Variants in DAB1 observed in about 807,000 individuals in gnomAD.
DAB1 encodes disabled homolog 1.
In DAB1, 15 loss-of-function variants were observed where a neutral mutation model predicts 64.6. The observed-to-expected ratio is 0.23, with a 90% confidence interval of 0.16 to 0.36. The LOEUF is 0.36. Ranked by LOEUF, DAB1 falls within the 10% of genes least tolerant of loss-of-function variation. The pLI is 1.00. For synonymous variants in DAB1, 235 were observed against 251.9 expected (o/e 0.93, Z 0.64); for missense variants, 596 against 706.7 (o/e 0.84, Z 1.78).
chr1:57,372,348 CAAG>C (rs1257778465), intron 1 of DAB1, among the ~76,000 whole-genome samples: 2 of 152,170 alleles, frequency 1.3e-5, no homozygotes, highest in Non-Finnish European at 2.9e-5. Context: ...CTTCCAGTTA[CAAG>C]AAGAACTTAT....
chr1:57,649,423 C>A (rs944895639), intron 7 of DAB1, among the ~76,000 whole-genome samples: 2 of 152,092 alleles, frequency 1.3e-5, no homozygotes, highest in African/African-American at 4.8e-5. Flanking sequence ...GAAAAGCAAC[C>A]CGAAGCACCA....
intron 9 of DAB1, among the ~76,000 whole-genome samples, chr1:57,044,008 T>C (rs1330861301): frequency 6.6e-6 from 1 of 152,152 alleles, no homozygotes; most frequent in Non-Finnish European, 1.5e-5. Flanking sequence ...TCATGGTGAG[T>C]CACTGGCTCA....
chr1:57,461,046 TC>T (rs747693347), intron 7 of DAB1, among the ~76,000 whole-genome samples: 11 of 152,182 alleles, frequency 7.2e-5, no homozygotes, highest in Non-Finnish European at 1.3e-4. Context: ...ATGCTCTCCT[TC>T]CTTCCCCTGC....
At chr1:57,848,740 C>G in intron 1 of DAB1, among the ~76,000 whole-genome samples, 1 of 152,148 alleles carries the variant, frequency 6.6e-6, no homozygotes, top group East Asian at 1.9e-4. Context: ...CTGAACTGCC[C>G]CAAATCCAGG....
At chr1:58,543,250 A>G (rs189546372) in intron 1 of DAB1, among the ~76,000 whole-genome samples, 10 of 152,320 alleles carry the variant, frequency 6.6e-5, no homozygotes, top group Admixed American at 5.9e-4. Context: ...ACAGTTATAC[A>G]TTTGTTTTTG....
At chr1:57,508,953 T>C (rs914203421) in intron 7 of DAB1, among the ~76,000 whole-genome samples, 3 of 151,372 alleles carry the variant, frequency 2.0e-5, no homozygotes, top group Non-Finnish European at 3.0e-5. Flanking sequence ...ATATATGATG[T>C]ACATATATAA....
At chr1:57,172,111 AGTTCTCATGAT>A (rs1320349180) in intron 2 of DAB1, among the ~76,000 whole-genome samples, 1 of 152,160 alleles carries the variant, frequency 6.6e-6, no homozygotes, top group Non-Finnish European at 1.5e-5. Context: ...CTTCACATGA[AGTTCTCATGAT>A]GTTCTCCCTG....
intron 4 of DAB1, among the ~76,000 whole-genome samples, chr1:58,268,655 G>A (rs979478329): frequency 3.3e-5 from 5 of 152,142 alleles, no homozygotes; most frequent in African/African-American, 7.2e-5. Context: ...CATGTTCATA[G>A]ACTGGAAGAC....
In DAB1 at chr1:57,356,964, C is replaced by T. The variant is rs184600651; in HGVS notation, c.-136-65798G>A. 2.8e-3 allele frequency among the ~76,000 whole-genome samples: 433 copies of T among 152,056 alleles called. 2 individuals carry two copies. Among genetic ancestry groups the T allele is most frequent in the Non-Finnish European group, 5.0e-3 (343 of 67,940 alleles). ...GGCTTTAAGAGACTTACTTTAATCC[C>T]TTTGTGCTTCAACTATACATTGGAA... On this transcript the variant is annotated intron_variant, in intron 1 of 14. Coordinates refer to ENST00000371236, the MANE Select transcript of DAB1 (RefSeq NM_001365792.1).
intron 7 of DAB1, among the ~76,000 whole-genome samples, chr1:57,491,852 A>G (rs529802519): frequency 8.5e-5 from 13 of 152,280 alleles, no homozygotes; most frequent in Admixed American, 8.5e-4. Flanking sequence ...ATCGAGGAAG[A>G]CTTTCTAGAT....
intron 5 of DAB1, among the ~76,000 whole-genome samples, chr1:58,021,841 A>G (rs1167932262): frequency 1.3e-5 from 2 of 152,222 alleles, no homozygotes; most frequent in Non-Finnish European, 2.9e-5. Context: ...CCCAAGTGAT[A>G]GGAAGCATCC....
chr1:57,637,507 G>T (rs1353191452), intron 7 of DAB1, among the ~76,000 whole-genome samples: 2 of 152,164 alleles, frequency 1.3e-5, no homozygotes, highest in Non-Finnish European at 2.9e-5. Context: ...TCATCATGCA[G>T]TCTGAGCACC....
At chr1:58,524,898 C>T (rs578127463) in intron 2 of DAB1, among the ~76,000 whole-genome samples, 1 of 152,268 alleles carries the variant, frequency 6.6e-6, no homozygotes, top group South Asian at 2.1e-4. Flanking sequence ...GAAAGCTGCT[C>T]ACATGGAGAT....
chr1:57,702,123 T>G (rs1391435996), intron 6 of DAB1, among the ~76,000 whole-genome samples: 1 of 152,168 alleles, frequency 6.6e-6, no homozygotes, highest in Non-Finnish European at 1.5e-5. Flanking sequence ...CTTTGCTGTC[T>G]GGCTTGTTAT....
intron 9 of DAB1, among the ~76,000 whole-genome samples, chr1:57,046,402 T>G (rs1211163007): frequency 6.6e-6 from 1 of 152,232 alleles, no homozygotes; most frequent in Non-Finnish European, 1.5e-5. Flanking sequence ...TTATTCCCCA[T>G]GATCATTTAT....
At position 57,641,453 on chromosome 1, in the gene DAB1, C is replaced by T. The variant is rs866772699; in HGVS notation, n.625+8139G>A. Among the ~76,000 whole-genome samples, 26 of 138,420 alleles carry T rather than the reference C, an allele frequency of 1.9e-4. No individual in the cohort carries two copies. In the Middle Eastern group the frequency reaches 0.014, roughly 72 times the overall value. 90.8% of individuals were successfully genotyped at this position (138,420 alleles called of 152,430 possible). On this transcript the variant is annotated intron_variant and non_coding_transcript_variant, in intron 7 of 20. Coordinates refer to the DAB1 transcript ENST00000485760. The stretch of plus-strand genomic sequence containing the variant: ...GGCTAGAGTGCAGTGGTATAATCTC[C>T]GCTCACTGCAAGCTCCGCTGCTGGG...
At chr1:57,254,552 C>A (rs1570066902) in intron 2 of DAB1, among the ~76,000 whole-genome samples, 1 of 152,212 alleles carries the variant, frequency 6.6e-6, no homozygotes, top group East Asian at 1.9e-4. Context: ...AAAACAAGGG[C>A]AAATTCAGGA....
At chr1:58,342,112 T>C (rs960554593) in intron 4 of DAB1, among the ~76,000 whole-genome samples, 5 of 152,234 alleles carry the variant, frequency 3.3e-5, no homozygotes, top group African/African-American at 1.2e-4. Context: ...AGCTCTGAGA[T>C]TCTCTAACAT....
At chr1:57,123,835 A>T (rs944840998) in intron 4 of DAB1, among the ~76,000 whole-genome samples, 2 of 152,180 alleles carry the variant, frequency 1.3e-5, no homozygotes, top group African/African-American at 4.8e-5. Flanking sequence ...TGAAAAAATT[A>T]TTTTTATGTA....
Sources: allele counts gnomAD v4.1 joint callset (sites outside exome capture counted in the v4.1 genomes callset), GRCh38; gene constraint gnomAD v4.1.1; transcripts MANE v1.5; gene names NCBI Gene and HGNC (gene_info 2026-07-23, HGNC 2026-07-21).